MICU3: variants seen among roughly 807,000 people sequenced by gnomAD.
The protein encoded by MICU3 is calcium uptake protein 3, mitochondrial.
In MICU3, 62 loss-of-function variants were observed where a neutral mutation model predicts 66.5. The observed-to-expected ratio is 0.93, with a 90% CI of 0.76 to 1.15. The LOEUF is 1.15. Ranked by LOEUF, MICU3 falls within the 50% of genes most tolerant of loss-of-function variation. MICU3 has a pLI of 0.00. For missense variants in MICU3, 779 were observed against 664.4 expected (o/e 1.17, Z -1.90); for synonymous variants, 308 against 240.7 (o/e 1.28, Z -2.59).
downstream of MICU3, among the ~76,000 whole-genome samples, chr8:17,125,646 T>C (rs1476953036): frequency 6.6e-6 from 1 of 152,188 alleles, no homozygotes; most frequent in Non-Finnish European, 1.5e-5. Context: ...GCTGCTATTT[T>C]GTTCAAAGTT....
chr8:17,087,938 A>C (rs898069965), intron 7 of MICU3, among the ~76,000 whole-genome samples: 1 of 152,080 alleles, frequency 6.6e-6, no homozygotes, highest in Non-Finnish European at 1.5e-5. Context: ...GGCCCTGTGC[A>C]GTAGTTTAAT....
At chr8:17,078,134 GT>G (rs1820655889) in intron 4 of MICU3, among the ~76,000 whole-genome samples, 1 of 151,512 alleles carries the variant, frequency 6.6e-6, no homozygotes, top group African/African-American at 2.4e-5. Flanking sequence ...GACTTACATA[GT>G]TTAAAAAATT....
chr8:17,071,965 C>T (rs1420456989), intron 3 of MICU3, among the ~76,000 whole-genome samples: 1 of 152,018 alleles, frequency 6.6e-6, no homozygotes, highest in African/African-American at 2.4e-5. Flanking sequence ...TGATAATGAT[C>T]CTCCAAATCT....
intron 11 of MICU3, among the ~76,000 whole-genome samples, chr8:17,110,799 A>T (rs564022482): frequency 8.3e-4 from 125 of 150,678 alleles, no homozygotes; most frequent in Non-Finnish European, 1.1e-3. Flanking sequence ...CTTGTCTCAA[A>T]CTCCTGACTT....
intron 1 of MICU3, among the ~76,000 whole-genome samples, chr8:17,055,207 T>G (rs574401348): frequency 6.6e-6 from 1 of 152,172 alleles, no homozygotes; most frequent in Non-Finnish European, 1.5e-5. Context: ...CTGCAGGAGA[T>G]GAAATGTATG....
At chr8:17,029,811 T>G (rs1312174680) in intron 1 of MICU3, among the ~76,000 whole-genome samples, 1 of 152,198 alleles carries the variant, frequency 6.6e-6, no homozygotes, top group African/African-American at 2.4e-5. Context: ...GTAATTTTCT[T>G]CTATTGTTTC....
chr8:17,106,523 T>A (rs1801753559), intron 11 of MICU3, among the ~76,000 whole-genome samples: 4 of 148,682 alleles, frequency 2.7e-5, no homozygotes, highest in Admixed American at 2.7e-4. Flanking sequence ...GCTACTGAGG[T>A]ATTACTTAGG....
the MICU3 span, among the ~76,000 whole-genome samples, chr8:17,128,144 CAG>C: frequency 1.3e-5 from 2 of 151,858 alleles, no homozygotes; most frequent in Non-Finnish European, 2.9e-5. Context: ...AGCTTTGAAA[CAG>C]CAGTGAGGGA....
chr8:17,065,650 T>G (rs933238380), intron 2 of MICU3, among the ~76,000 whole-genome samples: 8 of 152,176 alleles, frequency 5.3e-5, no homozygotes, highest in African/African-American at 1.9e-4. Flanking sequence ...GAGTGCAGTG[T>G]TACTGAGAAT....
At chr8:17,112,553 A>G (rs538300413) in intron 11 of MICU3, among the ~76,000 whole-genome samples, 1 of 152,048 alleles carries the variant, frequency 6.6e-6, no homozygotes, top group African/African-American at 2.4e-5. Context: ...TTCTAAACAC[A>G]AAGTGTTTAA....
intron 8 of MICU3, among the ~76,000 whole-genome samples, chr8:17,091,395 C>T (rs759710206): frequency 2.6e-5 from 4 of 152,036 alleles, no homozygotes; most frequent in Admixed American, 6.6e-5. Context: ...TTGCAAATTC[C>T]ACCATAGGAG....
At chr8:17,074,744 A>G (rs1038675735) in intron 3 of MICU3, among the ~76,000 whole-genome samples, 17 of 151,960 alleles carry the variant, frequency 1.1e-4, no homozygotes, top group Non-Finnish European at 2.2e-4. Context: ...TCTATAATAT[A>G]TATCTATTAA....
At chr8:17,063,190 A>G (rs769297423) in intron 1 of MICU3, among the ~76,000 whole-genome samples, 9 of 152,172 alleles carry the variant, frequency 5.9e-5, no homozygotes, top group Non-Finnish European at 1.2e-4. Context: ...AAACAATTCT[A>G]TCTATAAATT....
chr8:17,074,527 G>A (rs1363341921), intron 3 of MICU3, among the ~76,000 whole-genome samples: 2 of 151,170 alleles, frequency 1.3e-5, no homozygotes, highest in African/African-American at 4.9e-5. Context: ...AATATTTGCA[G>A]CAACAACAAA....
intron 3 of MICU3, 108 bp from the exon 4 acceptor site, chr8:17,077,675 T>C (rs1820579395): frequency 8.7e-6 from 6 of 686,576 alleles, no homozygotes; most frequent in Non-Finnish European, 1.5e-5. Context: ...AATGCCATGT[T>C]TCAGGTCTTT....
At chr8:17,076,501 G>A (rs1336969736) in intron 3 of MICU3, among the ~76,000 whole-genome samples, 1 of 152,054 alleles carries the variant, frequency 6.6e-6, no homozygotes, top group East Asian at 1.9e-4. Flanking sequence ...TTTACCTGCA[G>A]TGCAGATACA....
chr8:17,074,350 C>G (rs2150691186), intron 3 of MICU3, among the ~76,000 whole-genome samples: 1 of 152,016 alleles, frequency 6.6e-6, no homozygotes, highest in South Asian at 2.1e-4. Flanking sequence ...CTTTTGGGTC[C>G]ATAATATTTT....
rs148910145 is a variant in MICU3 at position 17,041,221 on chromosome 8, G to A, written c.381+13561G>A. Among the ~76,000 whole-genome samples the A allele has an allele frequency of 3.0e-3, 456 of 151,714 alleles. 1 individual carries two copies. The highest frequency in any genetic ancestry group is 0.011 in the African/African-American group (437 of 41,304). Reference sequence around the variant, plus strand: ...GTGAGCATCCATTACTTAAAGGACCGGCAGAGAAAAGAAAGTCTGCAAAAG... The same window carrying A: ...GTGAGCATCCATTACTTAAAGGACCAGCAGAGAAAAGAAAGTCTGCAAAAG... On this transcript the variant is annotated intron_variant, in intron 1 of 14. Transcript: ENST00000318063.
intron 1 of MICU3, among the ~76,000 whole-genome samples, chr8:17,029,041 A>T (rs900292841): frequency 6.6e-6 from 1 of 152,240 alleles, no homozygotes; most frequent in Non-Finnish European, 1.5e-5. Context: ...TACTTGTGTC[A>T]TTATGGAGAA....
Sources: gnomAD v4.1 joint callset for allele counts (sites outside exome capture counted in the v4.1 genomes callset) on GRCh38, gnomAD v4.1.1 for gene constraint, MANE v1.5 for transcripts, NCBI Gene and HGNC (gene_info 2026-07-23, HGNC 2026-07-21) for gene names.